EPHA3: variants seen among roughly 807,000 people sequenced by gnomAD.
The protein encoded by EPHA3 is ephrin type-A receptor 3.
EPHA3 carries 42 observed loss-of-function variants against 107.1 expected under a neutral mutation model. The observed-to-expected ratio is 0.39, with a 90% confidence interval of 0.31 to 0.51. The LOEUF is 0.51. EPHA3 is among the 20% of genes least tolerant of loss of function. The pLI is 0.78. For synonymous variants in EPHA3, 461 were observed against 424.8 expected (o/e 1.09, Z -1.05); for missense variants, 1,183 against 1,211.2 (o/e 0.98, Z 0.35).
At chr3:89,377,962 T>G (rs1395883137) in intron 5 of EPHA3, among the ~76,000 whole-genome samples, 1 of 152,164 alleles carries the variant, frequency 6.6e-6, no homozygotes. Context: ...CCACATGTAC[T>G]ACTTTTTACT....
chr3:89,128,345 G>C (rs1158210817), intron 2 of EPHA3, among the ~76,000 whole-genome samples: 1 of 152,064 alleles, frequency 6.6e-6, no homozygotes, highest in African/African-American at 2.4e-5. Flanking sequence ...GCCTTCATTA[G>C]TTACTTTAGA....
chr3:89,389,476 T>C (rs1443203154), intron 5 of EPHA3, among the ~76,000 whole-genome samples: 1 of 152,218 alleles, frequency 6.6e-6, no homozygotes, highest in Non-Finnish European at 1.5e-5. Context: ...TTTTTGTTAT[T>C]ACTTTAACTT....
intron 5 of EPHA3, among the ~76,000 whole-genome samples, chr3:89,389,507 A>T (rs1463005971): frequency 6.6e-6 from 1 of 152,230 alleles, no homozygotes; most frequent in East Asian, 1.9e-4. Flanking sequence ...TAAATCACAG[A>T]GATACCTCAG....
At chr3:89,399,195 T>A (rs1708907702) in intron 6 of EPHA3, 123 bp from the exon 7 acceptor site, 1 of 943,268 alleles carries the variant, frequency 1.1e-6, no homozygotes, top group Non-Finnish European at 1.5e-6. Flanking sequence ...TATGACTTTT[T>A]AAATCCATCC....
intron 2 of EPHA3, among the ~76,000 whole-genome samples, chr3:89,193,866 A>AT (rs1705776467): frequency 1.3e-5 from 2 of 151,956 alleles, no homozygotes; most frequent in South Asian, 2.1e-4. Flanking sequence ...GTATTGAACC[A>AT]TTTTTCTGAG....
At chr3:89,345,069 T>A (rs1287974815) in intron 5 of EPHA3, among the ~76,000 whole-genome samples, 1 of 151,322 alleles carries the variant, frequency 6.6e-6, no homozygotes, top group Non-Finnish European at 1.5e-5. Context: ...TATTCATCTT[T>A]TTTTTTCTTC....
intron 11 of EPHA3, among the ~76,000 whole-genome samples, chr3:89,427,122 G>A (rs1218117497): frequency 2.0e-5 from 3 of 151,772 alleles, no homozygotes; most frequent in African/African-American, 7.2e-5. Flanking sequence ...GATGTTACAT[G>A]GTGCCTTAAA....
intron 2 of EPHA3, among the ~76,000 whole-genome samples, chr3:89,148,944 T>C (rs1337739865): frequency 6.6e-6 from 1 of 152,064 alleles, no homozygotes; most frequent in East Asian, 1.9e-4. Context: ...TATAATAAAC[T>C]AATTGTGAAA....
At chr3:89,189,935 T>G (rs2107138085) in intron 2 of EPHA3, among the ~76,000 whole-genome samples, 1 of 152,284 alleles carries the variant, frequency 6.6e-6, no homozygotes, top group Non-Finnish European at 1.5e-5. Flanking sequence ...AAACAAATTT[T>G]AAACCCAGTT....
At chr3:89,385,652 G>A (rs1461469830) in intron 5 of EPHA3, among the ~76,000 whole-genome samples, 2 of 152,076 alleles carry the variant, frequency 1.3e-5, no homozygotes, top group African/African-American at 4.8e-5. Flanking sequence ...ATAGTAAATT[G>A]GTACCACAGA....
chr3:89,386,328 C>A (rs185508653), intron 5 of EPHA3, among the ~76,000 whole-genome samples: 2 of 152,268 alleles, frequency 1.3e-5, no homozygotes, highest in East Asian at 3.9e-4. Context: ...AGTCCAAGGA[C>A]CCCCTGCTGT....
intron 5 of EPHA3, among the ~76,000 whole-genome samples, chr3:89,382,640 G>A (rs1420021098): frequency 2.0e-5 from 3 of 152,130 alleles, no homozygotes; most frequent in Non-Finnish European, 4.4e-5. Flanking sequence ...CATGAGAAAG[G>A]CAAGACAGGG....
intron 5 of EPHA3, among the ~76,000 whole-genome samples, chr3:89,363,308 G>A (rs1401844102): frequency 6.6e-6 from 1 of 150,400 alleles, no homozygotes; most frequent in Non-Finnish European, 1.5e-5. Context: ...GTGAGAGAGA[G>A]AGAGTTTAAG....
At chr3:89,155,483 T>C (rs1435974769) in intron 2 of EPHA3, among the ~76,000 whole-genome samples, 1 of 152,040 alleles carries the variant, frequency 6.6e-6, no homozygotes, top group Admixed American at 6.6e-5. Context: ...AATGCTCATA[T>C]AGATAAAAGA....
intron 11 of EPHA3, among the ~76,000 whole-genome samples, chr3:89,421,738 T>C (rs138445674): frequency 2.2e-3 from 327 of 151,442 alleles, no homozygotes; most frequent in African/African-American, 7.7e-3. Context: ...ATAAGCAACA[T>C]TAAACTATAA....
chr3:89,280,025 CTG>C (rs59488710), intron 3 of EPHA3, among the ~76,000 whole-genome samples: 38,030 of 144,178 alleles, frequency 0.26, 4,759 homozygotes, highest in Non-Finnish European at 0.28. Flanking sequence ...TTGTGTGCAC[CTG>C]TGTGTGTGTG....
intron 2 of EPHA3, among the ~76,000 whole-genome samples, chr3:89,154,114 A>G (rs1559754975): frequency 6.6e-6 from 1 of 151,782 alleles, no homozygotes; most frequent in Non-Finnish European, 1.5e-5. Flanking sequence ...TCTATTTTAA[A>G]TTGCATTTAC....
intron 2 of EPHA3, among the ~76,000 whole-genome samples, chr3:89,205,311 T>C (rs1401978448): frequency 6.6e-6 from 1 of 152,200 alleles, no homozygotes; most frequent in Non-Finnish European, 1.5e-5. Context: ...GCATAATAGT[T>C]ATTAGGTAAA....
chr3:89,211,842 C>T (rs1704107322), intron 3 of EPHA3, among the ~76,000 whole-genome samples: 3 of 145,716 alleles, frequency 2.1e-5, no homozygotes, highest in South Asian at 2.2e-4. Flanking sequence ...CCTCCTCTTT[C>T]TTTTGGCTAG....
Sources: allele counts gnomAD v4.1 joint callset (sites outside exome capture counted in the v4.1 genomes callset), GRCh38; gene constraint gnomAD v4.1.1; transcripts MANE v1.5; gene names NCBI Gene and HGNC (gene_info 2026-07-23, HGNC 2026-07-21).